Variants in STK3 observed in about 807,000 individuals in gnomAD.
STK3 encodes serine/threonine-protein kinase 3.
In STK3, 41 loss-of-function variants were observed where a neutral mutation model predicts 58.0. That is an observed-to-expected ratio of 0.71 (90% confidence interval 0.55 to 0.92). The LOEUF (loss-of-function observed/expected upper bound fraction) is 0.92. Among genes scored for constraint, STK3 ranks in the 40% least tolerant of loss-of-function variants. The pLI, the probability that STK3 is intolerant of heterozygous loss-of-function variation, is 0.00. For missense variants in STK3, 479 were observed against 602.7 expected, an observed-to-expected ratio of 0.79 and a Z score of 2.15; for synonymous variants, 170 against 191.0, an observed-to-expected ratio of 0.89 and a Z score of 0.91.
At chr8:98,828,669 T>A (rs770893938), upstream of STK3, among the ~76,000 whole-genome samples, 1 of 151,816 alleles carries the variant, frequency 6.6e-6, no homozygotes, top group Admixed American at 6.6e-5. Flanking sequence ...AAATAAATGA[T>A]CCCTGAATTG....
chr8:98,450,486 A>C (rs1430403559), downstream of STK3, among the ~76,000 whole-genome samples: 1 of 152,224 alleles, frequency 6.6e-6, no homozygotes, highest in Non-Finnish European at 1.5e-5. Flanking sequence ...CCAAGACAAC[A>C]AAAGTGCAAA....
At chr8:98,909,600 C>A (rs1442791355) in intron 1 of STK3, among the ~76,000 whole-genome samples, 1 of 152,190 alleles carries the variant, frequency 6.6e-6, no homozygotes, top group Non-Finnish European at 1.5e-5. Flanking sequence ...CAAATTGAAT[C>A]ATATATTATG....
chr8:98,609,983 A>G (rs1206489815), intron 6 of STK3, among the ~76,000 whole-genome samples: 1 of 151,824 alleles, frequency 6.6e-6, no homozygotes, highest in East Asian at 1.9e-4. Flanking sequence ...AAAAAAAAAG[A>G]AATAATTGAC....
intron 1 of STK3, among the ~76,000 whole-genome samples, chr8:98,903,556 CCTTT>C (rs1422769188): frequency 0.042 from 2,115 of 50,344 alleles, 131 homozygotes; most frequent in Non-Finnish European, 0.061. Context: ...TCTTCTTCTT[CCTTT>C]TTTTTTTTTT....
At chr8:98,344,784 T>C in the STK3 span, among the ~76,000 whole-genome samples, 1 of 146,392 alleles carries the variant, frequency 6.8e-6, no homozygotes, top group East Asian at 2.0e-4. Flanking sequence ...TCCCAGCTAC[T>C]TGGGAGGCTG....
chr8:98,538,487 C>T (rs1809970585), intron 9 of STK3, among the ~76,000 whole-genome samples: 2 of 152,070 alleles, frequency 1.3e-5, no homozygotes, highest in South Asian at 4.1e-4. Context: ...TAATAAGTAT[C>T]CAAGTATTTA....
intron 1 of STK3, among the ~76,000 whole-genome samples, chr8:98,803,103 C>T (rs1043195439): frequency 6.6e-6 from 1 of 152,102 alleles, no homozygotes; most frequent in Non-Finnish European, 1.5e-5. Context: ...CATACGGTTT[C>T]TCAAATAAAC....
At chr8:98,749,025 T>C (rs1045440269) in intron 4 of STK3, among the ~76,000 whole-genome samples, 3 of 151,922 alleles carry the variant, frequency 2.0e-5, no homozygotes, top group African/African-American at 7.2e-5. Context: ...AGAAGAGAAG[T>C]ACCATGGTAG....
chr8:98,408,354 A>G (rs546253808), intron 3 of STK3, among the ~76,000 whole-genome samples: 1 of 152,372 alleles, frequency 6.6e-6, no homozygotes, highest in African/African-American at 2.4e-5. Context: ...GCTAAATTTG[A>G]TTCTGGCATA....
At chr8:98,613,084 G>T (rs1004490689) in intron 6 of STK3, among the ~76,000 whole-genome samples, 2 of 152,156 alleles carry the variant, frequency 1.3e-5, no homozygotes. Context: ...GACTACACAC[G>T]GAGAGCTAGA....
intron 6 of STK3, among the ~76,000 whole-genome samples, chr8:98,656,009 C>T (rs902928565): frequency 6.6e-6 from 1 of 151,312 alleles, no homozygotes; most frequent in Non-Finnish European, 1.5e-5. Context: ...GACTATAAAT[C>T]ATGTTGCTAT....
intron 7 of STK3, among the ~76,000 whole-genome samples, chr8:98,586,717 T>C (rs573975318): frequency 3.3e-5 from 5 of 151,724 alleles, no homozygotes; most frequent in African/African-American, 9.8e-5. Flanking sequence ...GCTGTGAATC[T>C]GTCTGGTCCT....
At chr8:98,903,545 T>C (rs868683480) in intron 1 of STK3, among the ~76,000 whole-genome samples, 54 of 24,052 alleles carry the variant, frequency 2.2e-3, no homozygotes, top group Middle Eastern at 0.028. Flanking sequence ...CTTCTTCTTC[T>C]TCTTCTTCTT....
At chr8:98,770,494 G>A (rs911454535) in intron 2 of STK3, among the ~76,000 whole-genome samples, 1 of 152,176 alleles carries the variant, frequency 6.6e-6, no homozygotes, top group African/African-American at 2.4e-5. Flanking sequence ...ACAGTTGGGG[G>A]TGTCCCTAAC....
intron 1 of STK3, among the ~76,000 whole-genome samples, chr8:98,912,024 C>A (rs985997891): frequency 6.6e-6 from 1 of 152,046 alleles, no homozygotes; most frequent in Non-Finnish European, 1.5e-5. Flanking sequence ...AGCCCTTTTT[C>A]CTCACCTGAG....
intron 10 of STK3, among the ~76,000 whole-genome samples, chr8:98,478,385 G>A (rs552829354): frequency 2.6e-5 from 4 of 152,176 alleles, no homozygotes; most frequent in Non-Finnish European, 4.4e-5. Context: ...CCTAAACTAA[G>A]CTTGGGCTTA....
rs1379290161 is a variant in STK3 at position 98,425,335 on chromosome 8, AC to A, written n.483+8791del. Among the ~76,000 whole-genome samples the A allele has an allele frequency of 2.6e-5, 4 of 151,006 alleles. No homozygotes were observed. The East Asian group carries it at 7.7e-4, about 29-fold the overall frequency. Reference sequence around the variant, plus strand: ...CTCCGTCTCTCCCTCTCAGACACACACACACACACACACACACAAACACACT... The same window carrying A: ...CTCCGTCTCTCCCTCTCAGACACACAACACACACACACACACAAACACACT... On this transcript the variant is annotated intron_variant and non_coding_transcript_variant, in intron 3 of 3. Transcript: ENST00000517832.
At chr8:98,694,535 G>A (rs1018428491) in intron 6 of STK3, among the ~76,000 whole-genome samples, 1 of 151,996 alleles carries the variant, frequency 6.6e-6, no homozygotes, top group African/African-American at 2.4e-5. Flanking sequence ...AGAGTGTGAT[G>A]TTCCCCTTCC....
At position 98,428,079 on chromosome 8, in the gene STK3, A is replaced by T; in HGVS notation, n.483+6048T>A. 6.2e-7 allele frequency: 1 copy of T among 1,613,592 alleles called. No homozygotes were observed. The highest frequency in any genetic ancestry group is 8.5e-7 in the Non-Finnish European group (1 of 1,179,854). On this transcript the variant is annotated intron_variant and non_coding_transcript_variant, in intron 3 of 3. Coordinates refer to the STK3 transcript ENST00000517832. The surrounding 1 kb of genome is among the most constrained non-coding windows in gnomAD (Gnocchi z 6.7). Reference sequence around the variant, plus strand: ...CTTCAAGAGGAGGCTGCGCTCGCACACGCTGCTGCGCTTCCCCGAGACGCG... The same window carrying T: ...CTTCAAGAGGAGGCTGCGCTCGCACTCGCTGCTGCGCTTCCCCGAGACGCG...
Sources: allele counts gnomAD v4.1 joint callset (sites outside exome capture counted in the v4.1 genomes callset), GRCh38; gene constraint gnomAD v4.1.1; non-coding constraint Gnocchi (gnomAD v3.1); transcripts MANE v1.5; gene names NCBI Gene and HGNC (gene_info 2026-07-23, HGNC 2026-07-21).